Variants in PCDHA2 observed in about 807,000 individuals in gnomAD.
PCDHA2 encodes protocadherin alpha-2.
A neutral mutation model predicts 66.0 loss-of-function variants in PCDHA2; 58 were observed. The observed-to-expected ratio is 0.88, with a 90% confidence interval of 0.71 to 1.09. PCDHA2 has a LOEUF of 1.09. Ranked by LOEUF, PCDHA2 falls within the 50% of genes least tolerant of loss-of-function variation. PCDHA2 has a pLI of 0.00. For synonymous variants in PCDHA2, 634 were observed against 554.0 expected, an observed-to-expected ratio of 1.14 and a Z score of -2.03; for missense variants, 1,267 against 1,242.3, an observed-to-expected ratio of 1.02 and a Z score of -0.30.
At chr5:140,828,517 T>C (rs2150156285) in intron 1 of PCDHA2, 3 of 1,614,174 alleles carry the variant, frequency 1.9e-6, no homozygotes, top group Non-Finnish European at 2.5e-6. Flanking sequence ...GAGTGCTGAT[T>C]TACGAATCTA....
chr5:140,834,757 A>G (rs2150225607), intron 1 of PCDHA2: 7 of 1,614,134 alleles, frequency 4.3e-6, no homozygotes, highest in Non-Finnish European at 5.9e-6. Context: ...GAGGTGAAGG[A>G]CATTAACGAC....
intron 1 of PCDHA2, among the ~76,000 whole-genome samples, chr5:140,960,097 T>C (rs2095526762): frequency 6.6e-6 from 1 of 152,232 alleles, no homozygotes. Context: ...AAGAAACTTG[T>C]AGTTGTGGGA....
intron 1 of PCDHA2, among the ~76,000 whole-genome samples, chr5:140,839,682 A>T (rs916562974): frequency 3.3e-5 from 5 of 152,030 alleles, no homozygotes; most frequent in African/African-American, 4.8e-5. Context: ...AACTACAGAG[A>T]TTTTTTTGGG....
In PCDHA2 at chr5:140,830,639, G is replaced by A. The variant is rs1157735992; in HGVS notation, c.2388+33287G>A. The A allele has an allele frequency of 8.1e-6, 4 of 496,850 alleles. No homozygotes were observed. In the South Asian group the frequency reaches 1.8e-4, roughly 23 times the overall value. The allele number at this position is 496,850 out of a possible 1,614,324, so 30.8% of individuals were successfully genotyped here. A position where few individuals can be genotyped will look rare whatever the true frequency, so the allele number is the denominator to read the frequency against. ...TTGTGTTTCTTATTTTAATCTCTTT[G>A]CTTCTTTAATATTCATAATTTAAGT... On this transcript the variant is annotated intron_variant, in intron 1 of 3. Coordinates refer to ENST00000526136, the MANE Select transcript of PCDHA2 (RefSeq NM_018905.3).
In PCDHA2 at chr5:140,797,196, C is replaced by T; in HGVS notation, c.2232C>T (p.Ala744=). The T allele has an allele frequency of 6.2e-7, 1 of 1,614,128 alleles. No individual in the cohort carries two copies. Among genetic ancestry groups the T allele is most frequent in the East Asian group, 2.2e-5 (1 of 44,868 alleles). ...PGKPTLVCSS[A]VGSWSYSQQR... ...AGCCCACGCTGGTGTGCTCCAGCGC[C>T]GTGGGGAGCTGGTCTTACTCGCAGC... Residue 744 remains alanine, a synonymous_variant, in exon 1 of 4, where the codon GCC becomes GCT. Coordinates refer to ENST00000526136, the MANE Select transcript of PCDHA2 (RefSeq NM_018905.3).
chr5:140,839,690 G>A (rs1776366219), intron 1 of PCDHA2, among the ~76,000 whole-genome samples: 1 of 151,916 alleles, frequency 6.6e-6, no homozygotes, highest in African/African-American at 2.4e-5. Flanking sequence ...AGATTTTTTT[G>A]GGTAAATAAT....
intron 1 of PCDHA2, among the ~76,000 whole-genome samples, chr5:140,939,155 G>C (rs1279259680): frequency 6.6e-6 from 1 of 152,196 alleles, no homozygotes; most frequent in Non-Finnish European, 1.5e-5. Flanking sequence ...GGTCCTGGCA[G>C]ATTTGTGTCT....
chr5:140,985,739 C>CTTT (rs11372071), intron 3 of PCDHA2, among the ~76,000 whole-genome samples: 39 of 117,922 alleles, frequency 3.3e-4, no homozygotes, highest in Non-Finnish European at 4.1e-4. Context: ...TGATGAATTC[C>CTTT]TTTTTTTTTT....
At chr5:140,843,639 GC>G in intron 1 of PCDHA2, 1 of 1,595,772 alleles carries the variant, frequency 6.3e-7, no homozygotes, top group Non-Finnish European at 8.6e-7. Flanking sequence ...ATGGCCTTCA[GC>G]CCCTGCCTTC....
At chr5:140,811,525 G>A (rs1764893286) in intron 1 of PCDHA2, 1 of 151,974 alleles carries the variant, frequency 6.6e-6, no homozygotes, top group African/African-American at 2.4e-5. Flanking sequence ...TATATACCCA[G>A]TAATGGGTCA....
At chr5:141,005,440 A>C (rs1174431656) in intron 3 of PCDHA2, among the ~76,000 whole-genome samples, 3 of 152,112 alleles carry the variant, frequency 2.0e-5, no homozygotes, top group African/African-American at 7.2e-5. Flanking sequence ...TGAGAGGCTC[A>C]CGCCTGTAAT....
chr5:140,926,943 T>C (rs2083677139), intron 1 of PCDHA2: 1 of 1,587,096 alleles, frequency 6.3e-7, no homozygotes, highest in Non-Finnish European at 8.6e-7. Context: ...CCTGCGGCGC[T>C]GCAGCGGGAC....
Position 140,870,063 on chromosome 5 carries a change from G to A in PCDHA2, c.2388+72711G>A. ...ACAAGTTTTATAAAATTGAAGTACA[G>A]GCTACAGATAAGGGGACTCCCCCAA... On this transcript the variant is annotated intron_variant, in intron 1 of 3. Transcript: ENST00000526136. 1.9e-6 allele frequency: 3 copies of A among 1,613,854 alleles called. No homozygotes were observed. The East Asian group carries it at 6.7e-5, about 36-fold the overall frequency.
In PCDHA2 at chr5:140,835,717, T is replaced by C. The variant is rs1773872619; in HGVS notation, c.2388+38365T>C. The C allele has an allele frequency of 1.9e-6, 3 of 1,613,628 alleles. No individual in the cohort carries two copies. Among genetic ancestry groups the C allele is most frequent in the African/African-American group, 2.7e-5 (2 of 74,884 alleles). On this transcript the variant is annotated intron_variant, in intron 1 of 3. Coordinates refer to ENST00000526136, the MANE Select transcript of PCDHA2 (RefSeq NM_018905.3). ...GCCACTGCTAGCGTGTCCGTGGAGG[T>C]GGCCGACGTGAACGACAACGCCCCG...
At chr5:140,945,034 C>T (rs1218648203) in intron 1 of PCDHA2, among the ~76,000 whole-genome samples, 1 of 152,066 alleles carries the variant, frequency 6.6e-6, no homozygotes, top group East Asian at 1.9e-4. Flanking sequence ...ACATAATTAT[C>T]TTTGGTCTTA....
chr5:140,857,805 C>G, intron 1 of PCDHA2: 2 of 1,597,714 alleles, frequency 1.3e-6, no homozygotes, highest in Non-Finnish European at 1.7e-6. Flanking sequence ...TCGGTGGTTG[C>G]GGGTCACGTG....
At position 140,836,088 on chromosome 5, in the gene PCDHA2, C is replaced by T. The variant is rs2150252378; in HGVS notation, c.2388+38736C>T. On this transcript the variant is annotated intron_variant, in intron 1 of 3. Transcript: ENST00000526136. ...CAACGCGCCGGCACTGCTGGCGCCT[C>T]GGGTGGGTGGCACTGGTGGCGCAGT... is the stretch of plus-strand genomic sequence containing the variant. 2.5e-6 allele frequency: 4 copies of T among 1,613,654 alleles called. No individual in the cohort carries two copies. The South Asian group carries it at 3.3e-5, about 13-fold the overall frequency.
At chr5:140,884,539 G>A (rs782320700) in intron 1 of PCDHA2, 78 of 1,613,968 alleles carry the variant, frequency 4.8e-5, no homozygotes, top group Non-Finnish European at 6.2e-5. Flanking sequence ...GGCGGCCGAG[G>A]GTGTGCTCTG....
intron 1 of PCDHA2, among the ~76,000 whole-genome samples, chr5:140,844,861 A>G (rs1302890779): frequency 2.7e-5 from 4 of 149,288 alleles, no homozygotes; most frequent in African/African-American, 4.9e-5. Flanking sequence ...ACCTGCCTGG[A>G]TATTAAATAC....
Sources: gnomAD v4.1 joint callset for allele counts (sites outside exome capture counted in the v4.1 genomes callset) on GRCh38, gnomAD v4.1.1 for gene constraint, MANE v1.5 for transcripts, NCBI Gene and HGNC (gene_info 2026-07-23, HGNC 2026-07-21) for gene names.